Variants in INSR observed in about 807,000 individuals in gnomAD.
INSR encodes the protein insulin receptor.
In INSR, 67 loss-of-function variants were observed where a neutral mutation model predicts 142.6. That is an observed-to-expected ratio of 0.47 (90% CI 0.39 to 0.58). INSR has a LOEUF of 0.58. INSR is among the 20% of genes least tolerant of loss of function. INSR has a pLI of 0.00. For missense variants in INSR, 1,248 were observed against 1,833.2 expected (o/e 0.68, Z 5.83); for synonymous variants, 756 against 743.1 (o/e 1.02, Z -0.28).
At chr19:7,220,028 C>T (rs1274039589) in intron 2 of INSR, among the ~76,000 whole-genome samples, 2 of 152,192 alleles carry the variant, frequency 1.3e-5, no homozygotes, top group Non-Finnish European at 2.9e-5. Context: ...ATTAAGAAAG[C>T]TGATTGGCCC....
intron 2 of INSR, among the ~76,000 whole-genome samples, chr19:7,188,179 C>T (rs950389209): frequency 6.6e-6 from 1 of 152,122 alleles, no homozygotes; most frequent in Non-Finnish European, 1.5e-5. Flanking sequence ...CAGCAGAAGT[C>T]GCCCTTCCTG....
chr19:7,121,163 A>C (rs1417341466), intron 19 of INSR, among the ~76,000 whole-genome samples: 1 of 151,640 alleles, frequency 6.6e-6, no homozygotes, highest in African/African-American at 2.4e-5. Context: ...ATGTCTAGCT[A>C]ATGTTTTGTA....
chr19:7,137,798 CAAAAAAAAAAA>C lies in INSR; in HGVS notation c.2682+3868_2682+3878del, dbSNP rs1176523364. Among the ~76,000 whole-genome samples, 4 of 41,482 alleles carry C rather than the reference CAAAAAAAAAAA, an allele frequency of 9.6e-5. No homozygotes were observed. The East Asian group carries it at 6.3e-3, about 66-fold the overall frequency. The allele number at this position is 41,482 out of a possible 152,430, so 27.2% of individuals were successfully genotyped here. A position where few individuals can be genotyped will look rare whatever the true frequency, so the allele number is the denominator to read the frequency against. On this transcript the variant is annotated intron_variant, in intron 13 of 21. Transcript: ENST00000302850. ...TGACAGAGTGAGTGAGACTCCATCTCAAAAAAAAAAAAAAAAAAAAAAAAAAGATGCAACCG... is the reference window on the plus strand; with the variant it reads ...TGACAGAGTGAGTGAGACTCCATCTCAAAAAAAAAAAAAAAGATGCAACCG...
intron 2 of INSR, among the ~76,000 whole-genome samples, chr19:7,227,508 A>G (rs1975823799): frequency 6.6e-6 from 1 of 152,132 alleles, no homozygotes; most frequent in Non-Finnish European, 1.5e-5. Flanking sequence ...TCTGGACTCA[A>G]GCGATCCGCT....
At chr19:7,208,625 T>C (rs971701202) in intron 2 of INSR, among the ~76,000 whole-genome samples, 4 of 152,074 alleles carry the variant, frequency 2.6e-5, no homozygotes. Context: ...ATCCCAGCAC[T>C]TTGGGAGGCC....
intron 6 of INSR, among the ~76,000 whole-genome samples, chr19:7,169,576 C>CAAAAAAAAA (rs74174872): frequency 5.2e-4 from 49 of 94,804 alleles, no homozygotes; most frequent in African/African-American, 1.6e-3. Context: ...GACTCTGTCC[C>CAAAAAAAAA]AAAAAAAAAA....
At chr19:7,239,339 T>C (rs1369267044) in intron 2 of INSR, among the ~76,000 whole-genome samples, 2 of 106,628 alleles carry the variant, frequency 1.9e-5, no homozygotes, top group African/African-American at 3.7e-5. Context: ...GAGGAAGAGG[T>C]AGGAAGACAT....
intron 13 of INSR, among the ~76,000 whole-genome samples, chr19:7,135,058 G>T (rs1268562989): frequency 2.0e-5 from 3 of 148,264 alleles, no homozygotes; most frequent in East Asian, 2.0e-4. Context: ...CATTTAGGAG[G>T]GGGGTGGAGA....
At chr19:7,221,461 A>G (rs925348602) in intron 2 of INSR, among the ~76,000 whole-genome samples, 13 of 151,494 alleles carry the variant, frequency 8.6e-5, no homozygotes, top group African/African-American at 3.2e-4. Flanking sequence ...TAATCCCAGC[A>G]CTTTGGGAGG....
chr19:7,125,269 C>A lies in INSR; in HGVS notation c.3258+14G>T. ...CAGGAAAGCCAGCCCATGTCCCACCCCCACTGGACTCACCACGTGATGGCA... is the reference window on the plus strand; with the variant it reads ...CAGGAAAGCCAGCCCATGTCCCACCACCACTGGACTCACCACGTGATGGCA... On this transcript the variant is annotated intron_variant, in intron 17 of 21. Transcript: ENST00000302850. This position sits in a 1 kb window ranked among gnomAD's most constrained non-coding sequence, Gnocchi z 4.9. 6.2e-7 allele frequency: 1 copy of A among 1,613,870 alleles called. No homozygotes were observed. The highest frequency in any genetic ancestry group is 2.2e-5 in the East Asian group (1 of 44,862).
At chr19:7,157,529 C>T (rs1973628240) in intron 9 of INSR, among the ~76,000 whole-genome samples, 1 of 150,038 alleles carries the variant, frequency 6.7e-6, no homozygotes, top group African/African-American at 2.5e-5. Flanking sequence ...TCCCAAAGTG[C>T]TGGGATTACA....
rs1168145595 is a variant in INSR at position 7,163,154 on chromosome 19, G to A, written c.1907C>T (p.Ser636Phe). The change falls in exon 9 of 22, where the codon TCC becomes TTC. Residue 636 changes from serine to phenylalanine, a missense_variant. Transcript: ENST00000302850. ...TGGTTTCCACTTCAGAATAATCTGGGATGATGAGTTAGACACTGAGATTGG... is the reference window on the plus strand; with the variant it reads ...TGGTTTCCACTTCAGAATAATCTGGAATGATGAGTTAGACACTGAGATTGG... ...LDPISVSNSSSQIILKWKPPS... is the reference protein window; with the variant it reads ...LDPISVSNSSFQIILKWKPPS... 2 of 1,613,834 alleles carry A rather than the reference G, an allele frequency of 1.2e-6. No homozygotes were observed. The highest frequency in any genetic ancestry group is 1.7e-6 in the Non-Finnish European group (2 of 1,179,878).
intron 19 of INSR, among the ~76,000 whole-genome samples, chr19:7,120,998 T>C (rs1972477431): frequency 6.6e-6 from 1 of 152,036 alleles, no homozygotes; most frequent in Non-Finnish European, 1.5e-5. Flanking sequence ...AGCTACATTT[T>C]TCTTTTTTTT....
rs1039807270 is a variant in INSR at position 7,225,285 on chromosome 19, C to T, written c.653-40648G>A. On this transcript the variant is annotated intron_variant, in intron 2 of 21. Coordinates refer to ENST00000302850, the MANE Select transcript of INSR (RefSeq NM_000208.4). The surrounding 1 kb of genome is among the most constrained non-coding windows in gnomAD (Gnocchi z 4.7). ...ATCAATGTTACTGTGGGCCAGTTGC[C>T]GTTATAGGTGTAAGATGATTCCTCA... Among the ~76,000 whole-genome samples, 1 of 152,154 alleles carries T rather than the reference C, an allele frequency of 6.6e-6. No individual in the cohort carries two copies. Among genetic ancestry groups the T allele is most frequent in the Non-Finnish European group, 1.5e-5 (1 of 68,030 alleles).
chr19:7,123,099 G>A (rs918160086), intron 17 of INSR, 110 bp from the exon 18 acceptor site: 1 of 805,976 alleles, frequency 1.2e-6, no homozygotes, highest in Non-Finnish European at 2.1e-6. Flanking sequence ...TGGCCTGGAT[G>A]CAGCGTGCTC....
intron 2 of INSR, among the ~76,000 whole-genome samples, chr19:7,254,052 G>A (rs79161479): frequency 2.1e-5 from 3 of 143,546 alleles, no homozygotes; most frequent in Admixed American, 7.1e-5. Flanking sequence ...AAAAAGAAAA[G>A]AAAAGAAAAA....
At chr19:7,217,749 C>A (rs1181029692) in intron 2 of INSR, among the ~76,000 whole-genome samples, 1 of 152,122 alleles carries the variant, frequency 6.6e-6, no homozygotes, top group Non-Finnish European at 1.5e-5. Context: ...TTAGTAGAGA[C>A]GGGGTTTCAC....
At chr19:7,162,344 A>T (rs1025983908) in intron 9 of INSR, among the ~76,000 whole-genome samples, 1 of 149,366 alleles carries the variant, frequency 6.7e-6, no homozygotes, top group African/African-American at 2.5e-5. Context: ...AAAAAAAAAA[A>T]AAAAATTACC....
intron 2 of INSR, among the ~76,000 whole-genome samples, chr19:7,195,375 G>A (rs571546980): frequency 6.6e-6 from 1 of 152,156 alleles, no homozygotes; most frequent in Non-Finnish European, 1.5e-5. Flanking sequence ...AGGTGTGGTG[G>A]CTAACACGTG....
Sources: allele counts gnomAD v4.1 joint callset (sites outside exome capture counted in the v4.1 genomes callset), GRCh38; gene constraint gnomAD v4.1.1; non-coding constraint Gnocchi (gnomAD v3.1); transcripts MANE v1.5; gene names NCBI Gene and HGNC (gene_info 2026-07-23, HGNC 2026-07-21).